FHOD3: variants seen among roughly 807,000 people sequenced by gnomAD.
FHOD3 encodes the protein formin homology 2 domain containing 3.
A neutral mutation model predicts 173.0 loss-of-function variants in FHOD3; 90 were observed. The ratio of observed to expected loss-of-function variants is 0.52; its 90% confidence interval spans 0.44 to 0.62. The LOEUF (loss-of-function observed/expected upper bound fraction) is 0.62, where lower values mean the gene tolerates loss of function less well. FHOD3 is among the 20% of genes least tolerant of loss of function. FHOD3 has a pLI of 0.00. For synonymous variants in FHOD3, 828 were observed against 823.0 expected, an observed-to-expected ratio of 1.01 and a Z score of -0.10; for missense variants, 1,945 against 2,034.7, an observed-to-expected ratio of 0.96 and a Z score of 0.85.
chr18:36,713,835 G>A lies in FHOD3; in HGVS notation c.2534-3997G>A, dbSNP rs1416284810. ...ATTCAAGTAACCCATAGAAGACAAA[G>A]GAGAAACAGGAACTAAAACAAATAG... is the stretch of plus-strand genomic sequence containing the variant. On this transcript the variant is annotated intron_variant, in intron 18 of 28. Coordinates refer to ENST00000590592, the MANE Select transcript of FHOD3 (RefSeq NM_001281740.3). 2.0e-5 allele frequency among the ~76,000 whole-genome samples: 3 copies of A among 152,136 alleles called. No homozygotes were observed. The East Asian group carries it at 5.8e-4, about 29-fold the overall frequency.
chr18:36,572,542 C>T (rs1223010700), intron 5 of FHOD3, among the ~76,000 whole-genome samples: 1 of 152,162 alleles, frequency 6.6e-6, no homozygotes, highest in Non-Finnish European at 1.5e-5. Flanking sequence ...GAAAAATTAG[C>T]GTGATCGGAC....
At chr18:36,712,786 C>A (rs775183104) in intron 18 of FHOD3, among the ~76,000 whole-genome samples, 147 of 150,116 alleles carry the variant, frequency 9.8e-4, no homozygotes, top group Non-Finnish European at 1.9e-3. Context: ...CCAAACAAGA[C>A]AAATTTAAAG....
At chr18:36,742,694 A>T (rs1178436633) in intron 21 of FHOD3, 43 bp from the exon 22 acceptor site, 1 of 1,589,128 alleles carries the variant, frequency 6.3e-7, no homozygotes, top group East Asian at 2.2e-5. Flanking sequence ...AAGTAAACCC[A>T]AATTGTACAC....
chr18:36,767,401 C>T (rs2043187065), intron 27 of FHOD3, among the ~76,000 whole-genome samples: 1 of 152,194 alleles, frequency 6.6e-6, no homozygotes, highest in Non-Finnish European at 1.5e-5. Flanking sequence ...CTCACTGCAA[C>T]CTCTGTCTCC....
chr18:36,328,635 T>G (rs769752275), intron 1 of FHOD3, among the ~76,000 whole-genome samples: 47 of 152,034 alleles, frequency 3.1e-4, no homozygotes, highest in Non-Finnish European at 6.3e-4. Context: ...GTAGGGTGAT[T>G]AGGGGTGGCT....
intron 28 of FHOD3, among the ~76,000 whole-genome samples, chr18:36,776,188 T>C (rs2043637191): frequency 6.7e-6 from 1 of 150,290 alleles, no homozygotes. Flanking sequence ...CCCCAGCCTT[T>C]TTTTTTTTTT....
At chr18:36,492,648 A>T (rs184224845) in intron 3 of FHOD3, among the ~76,000 whole-genome samples, 1 of 152,142 alleles carries the variant, frequency 6.6e-6, no homozygotes, top group African/African-American at 2.4e-5. Flanking sequence ...ATCCAAGGGA[A>T]TTGGGATTTC....
intron 3 of FHOD3, among the ~76,000 whole-genome samples, chr18:36,403,882 A>G (rs1225988851): frequency 1.3e-5 from 2 of 152,208 alleles, no homozygotes; most frequent in Non-Finnish European, 2.9e-5. Flanking sequence ...AGGTGATCCT[A>G]CCAGGTGACC....
chr18:36,533,046 G>A (rs2056850632), intron 5 of FHOD3, among the ~76,000 whole-genome samples: 1 of 152,170 alleles, frequency 6.6e-6, no homozygotes, highest in Admixed American at 6.5e-5. Context: ...GAGCCACTTG[G>A]CCCTCTGCAC....
chr18:36,739,634 A>G (rs1315981446), intron 20 of FHOD3, among the ~76,000 whole-genome samples: 3 of 152,198 alleles, frequency 2.0e-5, no homozygotes, highest in South Asian at 2.1e-4. Flanking sequence ...ATTTGTTTCT[A>G]TCTTCGATTG....
chr18:36,319,917 A>G (rs1384382886), intron 1 of FHOD3, among the ~76,000 whole-genome samples: 1 of 152,228 alleles, frequency 6.6e-6, no homozygotes, highest in Non-Finnish European at 1.5e-5. Context: ...AGGCAGAAAT[A>G]AAGGTGTTCT....
chr18:36,309,115 G>T (rs915838607), intron 1 of FHOD3, among the ~76,000 whole-genome samples: 3 of 152,190 alleles, frequency 2.0e-5, no homozygotes, highest in Admixed American at 2.0e-4. Context: ...CGTGGGTGGG[G>T]TGGGTATTGG....
intron 2 of FHOD3, among the ~76,000 whole-genome samples, chr18:36,370,911 T>C (rs918768284): frequency 5.9e-5 from 9 of 152,124 alleles, no homozygotes; most frequent in Non-Finnish European, 1.2e-4. Flanking sequence ...ATAATTCAAT[T>C]TGGTGCACTT....
At chr18:36,621,360 A>C (rs1366842680) in intron 9 of FHOD3, among the ~76,000 whole-genome samples, 1 of 152,228 alleles carries the variant, frequency 6.6e-6, no homozygotes, top group East Asian at 1.9e-4. Flanking sequence ...AAAACACCCC[A>C]GAACTTAGTG....
In FHOD3 at chr18:36,576,426, C is replaced by T. The variant is rs2058653394; in HGVS notation, c.512-25C>T. 1.9e-6 allele frequency: 3 copies of T among 1,542,106 alleles called. No homozygotes were observed. In the East Asian group the frequency reaches 6.8e-5, roughly 35 times the overall value. The stretch of plus-strand genomic sequence containing the variant: ...ATATTTCTATATACATCTATAATGT[C>T]TCCTTTTTCTCTTGTTTTCTGTAGC... On this transcript the variant is annotated intron_variant, in intron 5 of 28. Coordinates refer to ENST00000590592, the MANE Select transcript of FHOD3 (RefSeq NM_001281740.3).
chr18:36,417,254 G>T (rs1262032093), intron 3 of FHOD3, among the ~76,000 whole-genome samples: 1 of 151,984 alleles, frequency 6.6e-6, no homozygotes, highest in Non-Finnish European at 1.5e-5. Flanking sequence ...AGTGTCTATT[G>T]TTCCCCTCTA....
chr18:36,698,751 A>C (rs1471804195), intron 17 of FHOD3, among the ~76,000 whole-genome samples: 1 of 152,214 alleles, frequency 6.6e-6, no homozygotes, highest in Non-Finnish European at 1.5e-5. Flanking sequence ...AAGACACAAA[A>C]TTCCTGGGTC....
chr18:36,600,963 G>T (rs1163862855), intron 7 of FHOD3, among the ~76,000 whole-genome samples: 1 of 152,204 alleles, frequency 6.6e-6, no homozygotes, highest in Non-Finnish European at 1.5e-5. Context: ...GTTAGAAGCT[G>T]CCCCTGTTAC....
At chr18:36,302,926 G>C (rs1350233201) in intron 1 of FHOD3, among the ~76,000 whole-genome samples, 1 of 152,176 alleles carries the variant, frequency 6.6e-6, no homozygotes, top group African/African-American at 2.4e-5. Context: ...CAGGATCATG[G>C]GATTGAACCC....
Sources: allele counts gnomAD v4.1 joint callset (sites outside exome capture counted in the v4.1 genomes callset), GRCh38; gene constraint gnomAD v4.1.1; transcripts MANE v1.5; gene names NCBI Gene and HGNC (gene_info 2026-07-23, HGNC 2026-07-21).